Variants in PKP2 observed in about 807,000 individuals in gnomAD.
PKP2 encodes plakophilin-2.
Under a neutral mutation model 83.4 loss-of-function variants are expected in PKP2, and 73 were observed. The observed-to-expected ratio is 0.88, with a 90% CI of 0.72 to 1.06. The LOEUF (loss-of-function observed/expected upper bound fraction) is 1.06, where lower values mean the gene tolerates loss of function less well. Among genes scored for constraint, PKP2 ranks in the 50% least tolerant of loss-of-function variants. The pLI, the probability that PKP2 is intolerant of heterozygous loss-of-function variation, is 0.00. For synonymous variants in PKP2, 409 were observed against 430.4 expected, an observed-to-expected ratio of 0.95 and a Z score of 0.62; for missense variants, 966 against 1,065.4, an observed-to-expected ratio of 0.91 and a Z score of 1.30.
At chr12:32,886,135 C>A (rs76810139) in intron 1 of PKP2, among the ~76,000 whole-genome samples, 2,639 of 152,260 alleles carry the variant, frequency 0.017, 77 homozygotes, top group African/African-American at 0.061. Context: ...GGCTAACAAC[C>A]GTGAGCAGTT....
At position 32,822,536 on chromosome 12, in the gene PKP2, G is replaced by A. The variant is rs748374852; in HGVS notation, c.1770C>T (p.Asn590=). ...EKYSQNIYIQ[N]RNIQTDNNKS... is the part of the protein sequence containing the mutation. ...TGTTGTTGTCAGTCTGGATATTCCG[G>A]TTTTGAATATAGATATTCTGGGAAT... Residue 590 remains asparagine (N), a synonymous_variant, in exon 8 of 13, where the codon AAC becomes AAT. Transcript: ENST00000340811. 4 of 1,614,012 alleles carry A rather than the reference G, an allele frequency of 2.5e-6. No individual in the cohort carries two copies. Among genetic ancestry groups the A allele is most frequent in the Non-Finnish European group, 3.4e-6 (4 of 1,179,920 alleles).
In PKP2 at chr12:32,802,557, C is replaced by G. The variant is rs193922674; in HGVS notation, c.2014-1G>C. On this transcript the variant is annotated splice_acceptor_variant, in intron 9 of 12. Transcript: ENST00000340811. LOFTEE classifies it high-confidence loss of function. The stretch of plus-strand genomic sequence containing the variant: ...CTGTCTGAGCCACTGATGTCGGCAT[C>G]TGTTTTGTGAGACATATCCTATAAG... The G allele has an allele frequency of 7.7e-5, 124 of 1,613,732 alleles. No individual in the cohort carries two copies. Among genetic ancestry groups the G allele is most frequent in the Non-Finnish European group, 1.0e-4 (120 of 1,179,788 alleles).
At chr12:32,792,825 C>T (rs964577506) in intron 11 of PKP2, 94 bp from the exon 12 acceptor site, 3 of 951,626 alleles carry the variant, frequency 3.2e-6, no homozygotes, top group Non-Finnish European at 5.2e-6. Flanking sequence ...CGCTCCTCAA[C>T]TGCTACTCCG....
intron 10 of PKP2, among the ~76,000 whole-genome samples, chr12:32,801,376 T>C (rs57788279): frequency 6.6e-6 from 1 of 151,958 alleles, no homozygotes; most frequent in Non-Finnish European, 1.5e-5. Context: ...CAAAAGACCA[T>C]GGGGAGAGCA....
At chr12:32,843,342 ACT>A in intron 5 of PKP2, 1 of 1,363,506 alleles carries the variant, frequency 7.3e-7, no homozygotes, top group South Asian at 1.1e-5. Context: ...AAGCATAGGT[ACT>A]CAGGGCAGGC....
rs377514202 is a variant in PKP2 at position 32,802,603 on chromosome 12, C to T, written c.2014-47G>A. 2.8e-4 allele frequency: 425 copies of T among 1,542,224 alleles called. 5 individuals are homozygous for T. The South Asian group carries it at 3.2e-3, about 12-fold the overall frequency. On this transcript the variant is annotated intron_variant, in intron 9 of 12. Coordinates refer to ENST00000340811, the MANE Select transcript of PKP2 (RefSeq NM_001005242.3). Reference sequence around the variant, plus strand: ...ATAAGTGCTATTGTATTTGATTTCACGATAACATTAAGTTTTCTGTAGATT... The same window carrying T: ...ATAAGTGCTATTGTATTTGATTTCATGATAACATTAAGTTTTCTGTAGATT...
At chr12:32,861,292 A>G (rs1412067256) in intron 4 of PKP2, among the ~76,000 whole-genome samples, 3 of 152,216 alleles carry the variant, frequency 2.0e-5, no homozygotes, top group Non-Finnish European at 4.4e-5. Context: ...GCAGACAAGG[A>G]CATTAAGGTA....
At chr12:32,820,071 T>C (rs538671841) in intron 9 of PKP2, 1 of 152,226 alleles carries the variant, frequency 6.6e-6, no homozygotes, top group Non-Finnish European at 1.5e-5. Context: ...TTTCTCAATG[T>C]ACATTTTGCA....
intron 10 of PKP2, among the ~76,000 whole-genome samples, chr12:32,801,252 A>C (rs557934779): frequency 2.8e-4 from 43 of 152,342 alleles, no homozygotes; most frequent in African/African-American, 9.9e-4. Context: ...GTACATGCTT[A>C]ATGTGTATAG....
At chr12:32,795,137 C>T (rs1172734788) in intron 11 of PKP2, among the ~76,000 whole-genome samples, 1 of 151,578 alleles carries the variant, frequency 6.6e-6, no homozygotes, top group African/African-American at 2.4e-5. Context: ...TCTCATCACT[C>T]TAAATTAACT....
Position 32,896,275 on chromosome 12 carries a change from T to C in PKP2, c.223+234A>G, listed in dbSNP as rs371265448. Reference sequence around the variant, plus strand: ...AAATCTTGAAGTGAGTTAGTTAACATTGATAGATATGTACAATATTTAATA... The same window carrying C: ...AAATCTTGAAGTGAGTTAGTTAACACTGATAGATATGTACAATATTTAATA... On this transcript the variant is annotated intron_variant, in intron 1 of 12. Coordinates refer to ENST00000340811, the MANE Select transcript of PKP2 (RefSeq NM_001005242.3). Among the ~76,000 whole-genome samples, 183 of 152,256 alleles carry C rather than the reference T, an allele frequency of 1.2e-3. 1 individual carries two copies. The highest frequency in any genetic ancestry group is 3.9e-3 in the African/African-American group (162 of 41,552).
chr12:32,875,643 A>G (rs1206497744), intron 3 of PKP2, among the ~76,000 whole-genome samples: 1 of 152,236 alleles, frequency 6.6e-6, no homozygotes, highest in Admixed American at 6.5e-5. Context: ...GAGCAAGACC[A>G]GAGGCAGAGA....
At chr12:32,856,719 T>A (rs1293234141) in intron 4 of PKP2, among the ~76,000 whole-genome samples, 1 of 151,962 alleles carries the variant, frequency 6.6e-6, no homozygotes, top group Non-Finnish European at 1.5e-5. Context: ...AACCTGCACG[T>A]TGTGCACATG....
At chr12:32,860,739 T>C (rs980006985) in intron 4 of PKP2, among the ~76,000 whole-genome samples, 1 of 151,988 alleles carries the variant, frequency 6.6e-6, no homozygotes, top group Non-Finnish European at 1.5e-5. Context: ...TTTTAAAAAG[T>C]AGAATTTGGT....
At chr12:32,819,321 T>C (rs1956353630) in intron 9 of PKP2, among the ~76,000 whole-genome samples, 1 of 149,730 alleles carries the variant, frequency 6.7e-6, no homozygotes, top group South Asian at 2.1e-4. Context: ...TACAATAAAA[T>C]AAAATAAAAT....
chr12:32,872,500 C>T (rs1386301791), intron 3 of PKP2, among the ~76,000 whole-genome samples: 1 of 152,124 alleles, frequency 6.6e-6, no homozygotes, highest in Non-Finnish European at 1.5e-5. Context: ...TGCCATTGCA[C>T]TCCAGCCTGG....
At chr12:32,840,891 A>G (rs1309281887) in intron 6 of PKP2, 137 bp downstream of exon 6, 3 of 712,392 alleles carry the variant, frequency 4.2e-6, no homozygotes, top group Non-Finnish European at 7.3e-6. Context: ...AAAGATAAAT[A>G]AATAAATAAA....
At chr12:32,855,413 T>G (rs964756125) in intron 4 of PKP2, among the ~76,000 whole-genome samples, 9 of 152,214 alleles carry the variant, frequency 5.9e-5, no homozygotes, top group African/African-American at 2.2e-4. Flanking sequence ...GCAACTACCA[T>G]CACCTTTAAC....
chr12:32,872,676 A>G lies in PKP2; in HGVS notation c.1035-3614T>C, dbSNP rs757306132. 3.7e-4 allele frequency among the ~76,000 whole-genome samples: 57 copies of G among 152,160 alleles called. 1 individual carries two copies. Among genetic ancestry groups the G allele is most frequent in the Non-Finnish European group, 7.4e-5 (5 of 68,016 alleles). ...AATATGGCTACACCTCTGAAGGCAA[A>G]GCAAACATAAAATGATGAATGGATA... On this transcript the variant is annotated intron_variant, in intron 3 of 12. Coordinates refer to ENST00000340811, the MANE Select transcript of PKP2 (RefSeq NM_001005242.3).
Sources: gnomAD v4.1 joint callset for allele counts (sites outside exome capture counted in the v4.1 genomes callset) on GRCh38, gnomAD v4.1.1 for gene constraint, MANE v1.5 for transcripts, NCBI Gene and HGNC (gene_info 2026-07-23, HGNC 2026-07-21) for gene names.